The following RBPMS variants were observed in gnomAD, a reference collection of about 807,000 sequenced individuals.
RBPMS encodes the protein RNA binding protein, mRNA processing factor, also known as RNA-binding protein with multiple splicing.
Under a neutral mutation model 26.8 loss-of-function variants are expected in RBPMS, and 7 were observed. The ratio of observed to expected loss-of-function variants is 0.26; its 90% CI spans 0.15 to 0.49. RBPMS has a LOEUF of 0.49. Among genes scored for constraint, RBPMS ranks in the 20% least tolerant of loss-of-function variants. The pLI, the probability that RBPMS is intolerant of heterozygous loss-of-function variation, is 0.98. For synonymous variants in RBPMS, 96 were observed against 93.3 expected, an observed-to-expected ratio of 1.03 and a Z score of -0.17; for missense variants, 186 against 250.0, an observed-to-expected ratio of 0.74 and a Z score of 1.73.
At chr8:30,482,660 A>C (rs1818399029) in intron 4 of RBPMS, among the ~76,000 whole-genome samples, 1 of 152,198 alleles carries the variant, frequency 6.6e-6, no homozygotes, top group South Asian at 2.1e-4. Context: ...TCTATAGCAA[A>C]AAGTCCCACG....
In RBPMS at chr8:30,520,286, A is replaced by C. The variant is rs557421304; in HGVS notation, c.397+15850A>C. Among the ~76,000 whole-genome samples the C allele has an allele frequency of 2.6e-5, 4 of 152,334 alleles. No homozygotes were observed. The East Asian group carries it at 5.8e-4, about 22-fold the overall frequency. ...TCCTTTCAGTGCAAATTTTCCGCCT[A>C]AGACATTGGTGCCTGGTAATCTCCA... is the stretch of plus-strand genomic sequence containing the variant. On this transcript the variant is annotated intron_variant, in intron 5 of 8. Transcript: ENST00000397323.
intron 1 of RBPMS, among the ~76,000 whole-genome samples, chr8:30,441,760 A>G (rs1048581192): frequency 3.9e-5 from 6 of 152,244 alleles, no homozygotes; most frequent in African/African-American, 1.4e-4. Context: ...TCTGCCATCA[A>G]TATTTTTTAT....
At chr8:30,468,228 G>T (rs1585568393) in intron 1 of RBPMS, among the ~76,000 whole-genome samples, 1 of 152,124 alleles carries the variant, frequency 6.6e-6, no homozygotes, top group Non-Finnish European at 1.5e-5. Flanking sequence ...GTATGTATTT[G>T]TAAGTATGTT....
In RBPMS at chr8:30,515,301, G is replaced by A. The variant is rs182505691; in HGVS notation, c.397+10865G>A. Reference sequence around the variant, plus strand: ...CAATGGATTTTAATGGAACATAATAGGAAAGCTCATTGATAAGGTTTCAGA... The same window carrying A: ...CAATGGATTTTAATGGAACATAATAAGAAAGCTCATTGATAAGGTTTCAGA... On this transcript the variant is annotated intron_variant, in intron 5 of 8. Coordinates refer to ENST00000397323, the MANE Select transcript of RBPMS (RefSeq NM_001008710.3). 3.8e-3 allele frequency among the ~76,000 whole-genome samples: 573 copies of A among 152,270 alleles called. 4 individuals carry two copies. The highest frequency in any genetic ancestry group is 0.014 in the African/African-American group (562 of 41,548).
In RBPMS at chr8:30,409,695, C is replaced by T. The variant is rs1441523432; in HGVS notation, c.66+24537C>T. Among the ~76,000 whole-genome samples the T allele has an allele frequency of 4.6e-5, 7 of 151,952 alleles. No homozygotes were observed. In the East Asian group the frequency reaches 7.8e-4, roughly 17 times the overall value. The stretch of plus-strand genomic sequence containing the variant: ...GTTGCCAGGCTGGAGTGCAGTGGCG[C>T]GATCTCGGCTCACCACAACCTCTGA... On this transcript the variant is annotated intron_variant, in intron 1 of 8. Transcript: ENST00000397323.
intron 5 of RBPMS, among the ~76,000 whole-genome samples, chr8:30,538,333 C>T (rs1321515307): frequency 6.6e-6 from 1 of 152,088 alleles, no homozygotes; most frequent in African/African-American, 2.4e-5. Context: ...TGGCACACTG[C>T]AGCCTCTGCC....
chr8:30,460,830 G>A (rs1585543620), intron 1 of RBPMS, among the ~76,000 whole-genome samples: 3 of 152,156 alleles, frequency 2.0e-5, no homozygotes, highest in South Asian at 4.1e-4. Context: ...GCTGAGGTGG[G>A]TGGATCACTT....
intron 1 of RBPMS, among the ~76,000 whole-genome samples, chr8:30,452,409 T>C (rs770207002): frequency 3.3e-5 from 5 of 152,108 alleles, no homozygotes; most frequent in Admixed American, 1.3e-4. Context: ...AGGGCTGGGA[T>C]TGGGGGGTGT....
chr8:30,544,476 C>T lies in RBPMS; in HGVS notation c.398-18C>T, dbSNP rs1381452101. The T allele has an allele frequency of 6.2e-7, 1 of 1,612,382 alleles. No individual in the cohort carries two copies. The highest frequency in any genetic ancestry group is 1.7e-5 in the Admixed American group (1 of 59,996). ...CTGTATGGTAACCACTAACTCTCGC[C>T]TTATTCTTTTCTTGCAGATGAGCTC... On this transcript the variant is annotated intron_variant, in intron 5 of 8. Coordinates refer to ENST00000397323, the MANE Select transcript of RBPMS (RefSeq NM_001008710.3).
intron 1 of RBPMS, among the ~76,000 whole-genome samples, chr8:30,435,496 A>C (rs1812355421): frequency 1.3e-5 from 2 of 152,174 alleles, no homozygotes; most frequent in African/African-American, 2.4e-5. Flanking sequence ...GATTGTTGTA[A>C]TCTCATGGTA....
intron 5 of RBPMS, among the ~76,000 whole-genome samples, chr8:30,522,714 A>AT (rs918418669): frequency 1.3e-5 from 2 of 152,206 alleles, no homozygotes; most frequent in African/African-American, 4.8e-5. Flanking sequence ...AGTTGTAGAC[A>AT]TTAACTATGT....
intron 1 of RBPMS, among the ~76,000 whole-genome samples, chr8:30,410,209 A>G (rs1198879881): frequency 1.4e-5 from 2 of 147,112 alleles, no homozygotes; most frequent in East Asian, 4.0e-4. Flanking sequence ...CTACTCTTTT[A>G]TTTATTATTT....
intron 5 of RBPMS, among the ~76,000 whole-genome samples, chr8:30,506,648 A>T (rs565896923): frequency 3.0e-4 from 46 of 152,198 alleles, no homozygotes; most frequent in Non-Finnish European, 2.9e-5. Flanking sequence ...TTAACTACTT[A>T]TCAGGTGTAG....
At chr8:30,432,812 A>C (rs1812073918) in intron 1 of RBPMS, among the ~76,000 whole-genome samples, 1 of 123,572 alleles carries the variant, frequency 8.1e-6, no homozygotes, top group Non-Finnish European at 1.6e-5. Context: ...GCAGGGAATA[A>C]ATAAATAAAT....
intron 5 of RBPMS, among the ~76,000 whole-genome samples, chr8:30,535,236 AGTTAGTTGTAG>A (rs1255068273): frequency 1.3e-5 from 2 of 152,216 alleles, no homozygotes; most frequent in Non-Finnish European, 2.9e-5. Flanking sequence ...GCTAGTTTTA[AGTTAGTTGTAG>A]GCACTTTGTA....
chr8:30,411,918 G>A (rs1323941805), intron 1 of RBPMS, among the ~76,000 whole-genome samples: 1 of 151,142 alleles, frequency 6.6e-6, no homozygotes, highest in Non-Finnish European at 1.5e-5. Flanking sequence ...CGCAGGAGGC[G>A]GAGGTTGCAG....
At chr8:30,522,169 C>G (rs1823116598) in intron 5 of RBPMS, among the ~76,000 whole-genome samples, 1 of 151,828 alleles carries the variant, frequency 6.6e-6, no homozygotes, top group Non-Finnish European at 1.5e-5. Flanking sequence ...GCCAGTGGCA[C>G]AGGCCTATAG....
chr8:30,385,009 C>G lies in RBPMS; in HGVS notation c.-84C>G. The stretch of plus-strand genomic sequence containing the variant: ...GCCCGCCCGAGGGAGCCCCGGCGCC[C>G]GGGGAAGGCTCCAGTGGGCTAGCGC... On this transcript the variant is annotated 5_prime_UTR_variant, in exon 1 of 9. Transcript: ENST00000397323. The G allele has an allele frequency of 8.8e-7, 1 of 1,138,812 alleles. No individual in the cohort carries two copies. The highest frequency in any genetic ancestry group is 1.2e-6 in the Non-Finnish European group (1 of 855,168). 70.5% of individuals were successfully genotyped at this position (1,138,812 alleles called of 1,614,324 possible).
Position 30,559,712 on chromosome 8 carries a change from A to C in RBPMS, c.*7+756A>C, listed in dbSNP as rs541132459. On this transcript the variant is annotated intron_variant, in intron 7 of 8. Coordinates refer to ENST00000397323, the MANE Select transcript of RBPMS (RefSeq NM_001008710.3). ...TTTAGAATGTTTTAGTTCCACCATC[A>C]GTCTTCTCTTGGTTTACACAGTTCC... Among the ~76,000 whole-genome samples the C allele has an allele frequency of 1.6e-4, 24 of 152,318 alleles. No homozygotes were observed. In the South Asian group the frequency reaches 4.6e-3, roughly 29 times the overall value.
Sources: gnomAD v4.1 joint callset for allele counts (sites outside exome capture counted in the v4.1 genomes callset) on GRCh38, gnomAD v4.1.1 for gene constraint, MANE v1.5 for transcripts, NCBI Gene and HGNC (gene_info 2026-07-23, HGNC 2026-07-21) for gene names.